Variants in EYA1 observed in about 807,000 individuals in gnomAD.
The protein encoded by EYA1 is EYA transcriptional coactivator and phosphatase 1, also known as protein phosphatase EYA1.
EYA1 carries 16 observed loss-of-function variants against 82.0 expected under a neutral mutation model. That is an observed-to-expected ratio of 0.20 (90% CI 0.13 to 0.30). EYA1 has a LOEUF of 0.30. EYA1 is among the 10% of genes least tolerant of loss of function. EYA1 has a pLI of 1.00. For missense variants in EYA1, 633 were observed against 730.7 expected, an observed-to-expected ratio of 0.87 and a Z score of 1.54; for synonymous variants, 261 against 264.4, an observed-to-expected ratio of 0.99 and a Z score of 0.12.
At chr8:71,476,935 G>T (rs899171303) in intron 2 of EYA1, among the ~76,000 whole-genome samples, 1 of 152,066 alleles carries the variant, frequency 6.6e-6, no homozygotes, top group East Asian at 1.9e-4. Flanking sequence ...CATCTAGGTC[G>T]ATTTTTTTTC....
intron 9 of EYA1, among the ~76,000 whole-genome samples, chr8:71,288,449 C>T (rs1818633592): frequency 6.6e-6 from 1 of 152,182 alleles, no homozygotes; most frequent in Admixed American, 6.5e-5. Flanking sequence ...TCACCAATGG[C>T]AGGCTGTGCT....
At chr8:71,486,066 T>C (rs1810547813) in intron 2 of EYA1, among the ~76,000 whole-genome samples, 1 of 152,164 alleles carries the variant, frequency 6.6e-6, no homozygotes, top group Non-Finnish European at 1.5e-5. Flanking sequence ...GTTGCATGGT[T>C]TGAAGGGTGC....
chr8:71,321,926 G>T, intron 5 of EYA1, 47 bp from the exon 6 acceptor site: 1 of 1,611,550 alleles, frequency 6.2e-7, no homozygotes, highest in Non-Finnish European at 8.5e-7. Context: ...GCATTAGATG[G>T]AAACATGCAA....
chr8:71,491,699 T>C (rs912860994), intron 2 of EYA1, among the ~76,000 whole-genome samples: 1 of 152,202 alleles, frequency 6.6e-6, no homozygotes, highest in Non-Finnish European at 1.5e-5. Flanking sequence ...ATCCAGTCTG[T>C]GGCAGTATTA....
intron 1 of EYA1, among the ~76,000 whole-genome samples, chr8:71,541,296 C>T (rs1394356175): frequency 2.0e-5 from 3 of 152,218 alleles, no homozygotes; most frequent in African/African-American, 2.4e-5. Context: ...TAAATGTATA[C>T]ACCAATACCT....
intron 2 of EYA1, among the ~76,000 whole-genome samples, chr8:71,392,367 C>A (rs1829327303): frequency 6.6e-6 from 1 of 152,120 alleles, no homozygotes; most frequent in African/African-American, 2.4e-5. Flanking sequence ...AGCGCTGTGA[C>A]TAGAGACCAC....
chr8:71,219,145 G>A (rs1199551959), intron 12 of EYA1, among the ~76,000 whole-genome samples: 1 of 152,126 alleles, frequency 6.6e-6, no homozygotes, highest in African/African-American at 2.4e-5. Flanking sequence ...TCCACATCCT[G>A]TATTTGTTTT....
At chr8:71,526,626 C>G (rs1421873621) in intron 2 of EYA1, among the ~76,000 whole-genome samples, 1 of 152,190 alleles carries the variant, frequency 6.6e-6, no homozygotes, top group African/African-American at 2.4e-5. Context: ...CAGTCCCTGG[C>G]CACATGTGCC....
intron 2 of EYA1, among the ~76,000 whole-genome samples, chr8:71,480,807 A>C (rs1246253275): frequency 6.6e-6 from 1 of 152,224 alleles, no homozygotes; most frequent in Non-Finnish European, 1.5e-5. Context: ...ATTCTAAAAC[A>C]AATATCAATT....
intron 3 of EYA1, among the ~76,000 whole-genome samples, chr8:71,341,458 G>T (rs1457526035): frequency 6.6e-6 from 1 of 152,164 alleles, no homozygotes; most frequent in East Asian, 1.9e-4. Context: ...GATGTGAAGA[G>T]AATAAAATTG....
intron 12 of EYA1, among the ~76,000 whole-genome samples, 154 bp from the exon 13 acceptor site, chr8:71,217,177 A>T (rs1809324062): frequency 6.6e-6 from 1 of 152,194 alleles, no homozygotes; most frequent in Non-Finnish European, 1.5e-5. Context: ...TAAAATTGAC[A>T]TTTTTACCTA....
chr8:71,389,156 T>C (rs1829133982), intron 2 of EYA1, among the ~76,000 whole-genome samples: 2 of 152,052 alleles, frequency 1.3e-5, no homozygotes, highest in Admixed American at 1.3e-4. Flanking sequence ...CCAAACTCAC[T>C]ATTTTTTAAT....
Position 71,299,665 on chromosome 8 carries a change from A to C in EYA1, c.612T>G (p.Asn204Lys). 6.3e-7 allele frequency: 1 copy of C among 1,593,458 alleles called. No homozygotes were observed. Among genetic ancestry groups the C allele is most frequent in the African/African-American group, 1.3e-5 (1 of 74,580 alleles). The change falls in exon 8 of 18, where the codon AAT (asparagine) becomes AAG (lysine). Residue 204 changes from asparagine to lysine, a missense_variant. Physicochemically the swap from Asn to Lys is moderately conservative, Grantham distance 94. Transcript: ENST00000340726. Reference sequence around the variant, plus strand: ...GCTGTGAACTATTAAATCCAGAGGAATTTGTGAGTGAATTATTTCCTGTAT... The same window carrying C: ...GCTGTGAACTATTAAATCCAGAGGACTTTGTGAGTGAATTATTTCCTGTAT... Reference protein sequence around the residue: ...GIYTGNNSLTNSSGFNSSQQD... With the variant: ...GIYTGNNSLTKSSGFNSSQQD...
intron 2 of EYA1, among the ~76,000 whole-genome samples, chr8:71,378,604 A>G (rs567907314): frequency 6.6e-6 from 1 of 152,352 alleles, no homozygotes; most frequent in South Asian, 2.1e-4. Context: ...TATGGGTTAT[A>G]CTTCACAATA....
At chr8:71,232,079 T>C (rs1163933097) in intron 12 of EYA1, among the ~76,000 whole-genome samples, 5 of 152,254 alleles carry the variant, frequency 3.3e-5, no homozygotes, top group Non-Finnish European at 1.5e-5. Flanking sequence ...AAAGAAAACC[T>C]GAGTTTCAAC....
chr8:71,330,909 G>A (rs900202777), intron 4 of EYA1, among the ~76,000 whole-genome samples: 1 of 151,668 alleles, frequency 6.6e-6, no homozygotes, highest in Admixed American at 6.6e-5. Flanking sequence ...CATTCTGTTG[G>A]AGTTTTGTGT....
At chr8:71,514,506 AAG>A (rs1419035207) in intron 2 of EYA1, among the ~76,000 whole-genome samples, 1 of 152,154 alleles carries the variant, frequency 6.6e-6, no homozygotes, top group African/African-American at 2.4e-5. Flanking sequence ...TGGGAAGAAA[AAG>A]AGGTTTCATT....
chr8:71,356,230 C>A (rs1826862122), intron 2 of EYA1, among the ~76,000 whole-genome samples: 1 of 152,194 alleles, frequency 6.6e-6, no homozygotes, highest in African/African-American at 2.4e-5. Flanking sequence ...ATTACACATT[C>A]ACAGTTTTCC....
chr8:71,296,619 C>G (rs189219190), intron 9 of EYA1, among the ~76,000 whole-genome samples: 1 of 101,370 alleles, frequency 9.9e-6, no homozygotes, highest in Non-Finnish European at 2.0e-5. Flanking sequence ...ACCCAATAGA[C>G]TAAAAGTAAA....
Sources: gnomAD v4.1 joint callset for allele counts (sites outside exome capture counted in the v4.1 genomes callset) on GRCh38, gnomAD v4.1.1 for gene constraint, MANE v1.5 for transcripts, NCBI Gene and HGNC (gene_info 2026-07-23, HGNC 2026-07-21) for gene names.